The following PER2 variants were observed in gnomAD, a reference collection of about 807,000 sequenced individuals.
The protein encoded by PER2 is period circadian protein homolog 2.
A neutral mutation model predicts 121.0 loss-of-function variants in PER2; 66 were observed. The ratio of observed to expected loss-of-function variants is 0.55; its 90% CI spans 0.45 to 0.67. The LOEUF is 0.67. Ranked by LOEUF, PER2 falls within the 30% of genes least tolerant of loss-of-function variation. The probability of loss-of-function intolerance (pLI) is 0.00; values close to 1 mark genes in which losing one functional copy is unlikely to be tolerated. For missense variants in PER2, 1,521 were observed against 1,635.0 expected (o/e 0.93, Z 1.20); for synonymous variants, 684 against 659.9 (o/e 1.04, Z -0.56).
chr2:238,272,547 A>T (rs1295682876), intron 5 of PER2, among the ~76,000 whole-genome samples: 1 of 152,248 alleles, frequency 6.6e-6, no homozygotes, highest in African/African-American at 2.4e-5. Flanking sequence ...TGGTCCCAGC[A>T]CATGTGGGAT....
At chr2:238,254,432 T>C (rs1320212528) in intron 18 of PER2, 1 of 153,046 alleles carries the variant, frequency 6.5e-6, no homozygotes, top group East Asian at 1.9e-4. Context: ...ATCTGTCAGC[T>C]GTGCCAAGGC....
chr2:238,253,760 C>A lies in PER2; in HGVS notation c.2321-58G>T. On this transcript the variant is annotated intron_variant, in intron 18 of 22. Transcript: ENST00000254657. This position sits in a 1 kb window ranked among gnomAD's most constrained non-coding sequence, Gnocchi z 5.6. ...ATTTTAACTCCAAATTTGAAGACAC[C>A]TCTTCGTTCAACAGTCCTGGGTTTC... 2 of 1,340,110 alleles carry A rather than the reference C, an allele frequency of 1.5e-6. No individual in the cohort carries two copies. The highest frequency in any genetic ancestry group is 4.6e-4 in the Middle Eastern group (2 of 4,356). The allele number at this position is 1,340,110 out of a possible 1,614,324, so 83.0% of individuals were successfully genotyped here. A position where few individuals can be genotyped will look rare whatever the true frequency, so the allele number is the denominator to read the frequency against.
Position 238,268,795 on chromosome 2 carries a change from A to C in PER2, c.824+128T>G, listed in dbSNP as rs1696192664. The C allele has an allele frequency of 1.4e-6, 1 of 731,150 alleles. No homozygotes were observed. Among genetic ancestry groups the C allele is most frequent in the Non-Finnish European group, 2.5e-6 (1 of 404,978 alleles). 45.3% of individuals were successfully genotyped at this position (731,150 alleles called of 1,614,324 possible). On this transcript the variant is annotated intron_variant, in intron 7 of 22. Transcript: ENST00000254657. This position sits in a 1 kb window ranked among gnomAD's most constrained non-coding sequence, Gnocchi z 4.0. ...AATGTAACTGACTGTGTTTTCTGGTAGACTTCAGAAACAGGCGTGCTGAGT... is the reference window on the plus strand; with the variant it reads ...AATGTAACTGACTGTGTTTTCTGGTCGACTTCAGAAACAGGCGTGCTGAGT...
At position 238,255,967 on chromosome 2, in the gene PER2, G is replaced by A. The variant is rs2106370848; in HGVS notation, c.2066-56C>T. 6 of 1,596,120 alleles carry A rather than the reference G, an allele frequency of 3.8e-6. No individual in the cohort carries two copies. The South Asian group carries it at 6.6e-5, about 18-fold the overall frequency. ...ACACGTGCCCTGTTTATTATTTTAA[G>A]GCCACACTATATTCACGAACAAGAC... is the stretch of plus-strand genomic sequence containing the variant. On this transcript the variant is annotated intron_variant, in intron 17 of 22. Transcript: ENST00000254657.
intron 9 of PER2, among the ~76,000 whole-genome samples, chr2:238,264,755 TG>T (rs1696042971): frequency 6.6e-6 from 1 of 152,198 alleles, no homozygotes; most frequent in African/African-American, 2.4e-5. Context: ...TCTGAGTAGC[TG>T]GGACTACAGG....
intron 1 of PER2, among the ~76,000 whole-genome samples, chr2:238,280,318 C>T (rs916897451): frequency 6.6e-6 from 1 of 152,200 alleles, no homozygotes; most frequent in Non-Finnish European, 1.5e-5. Context: ...AGAATCCACC[C>T]ACATCAGTGT....
chr2:238,249,517 T>C (rs964080837), intron 21 of PER2, among the ~76,000 whole-genome samples: 1 of 152,108 alleles, frequency 6.6e-6, no homozygotes, highest in Non-Finnish European at 1.5e-5. Context: ...ATCTGGGAGA[T>C]TCTTGCCAGC....
chr2:238,259,092 G>A (rs573352285), intron 14 of PER2, among the ~76,000 whole-genome samples: 2 of 152,290 alleles, frequency 1.3e-5, no homozygotes, highest in Admixed American at 6.5e-5. Flanking sequence ...TTGCCCCAAC[G>A]ACATTCATCA....
chr2:238,277,250 T>C (rs1696483825), intron 2 of PER2, 57 bp from the exon 3 acceptor site: 1 of 1,114,878 alleles, frequency 9.0e-7, no homozygotes, highest in Non-Finnish European at 1.4e-6. Context: ...CAGACACATC[T>C]TCCCCTGCCA....
intron 6 of PER2, among the ~76,000 whole-genome samples, chr2:238,270,683 G>C (rs886149525): frequency 2.6e-5 from 4 of 152,232 alleles, no homozygotes; most frequent in Admixed American, 2.0e-4. Flanking sequence ...CCAGGGACTA[G>C]ACCAGACCCG....
In PER2 at chr2:238,246,258, A is replaced by C. The variant is rs1695444510; in HGVS notation, c.*117T>G. ...TATGTTGTTTTTTTTTCTAAAACAAAAAAAGCAACATGAGCATATGTGTCC... is the reference window on the plus strand; with the variant it reads ...TATGTTGTTTTTTTTTCTAAAACAACAAAAGCAACATGAGCATATGTGTCC... On this transcript the variant is annotated 3_prime_UTR_variant, in exon 23 of 23. Transcript: ENST00000254657. 1.4e-6 allele frequency: 1 copy of C among 700,076 alleles called. No homozygotes were observed. Among genetic ancestry groups the C allele is most frequent in the Non-Finnish European group, 2.2e-6 (1 of 458,560 alleles). The allele number at this position is 700,076 out of a possible 1,614,324, so 43.4% of individuals were successfully genotyped here.
chr2:238,278,007 C>T (rs754528069), intron 1 of PER2, 52 bp from the exon 2 acceptor site: 180 of 1,573,988 alleles, frequency 1.1e-4, no homozygotes, highest in Non-Finnish European at 1.4e-4. Context: ...GCACAAGGGG[C>T]GCTGCAGCCA....
Position 238,245,050 on chromosome 2 carries a change from A to G in PER2, c.*1325T>C. 1 of 144,078 alleles carries G rather than the reference A, an allele frequency of 6.9e-6. No homozygotes were observed. Among genetic ancestry groups the G allele is most frequent in the South Asian group, 2.5e-4 (1 of 4,068 alleles). 8.9% of individuals were successfully genotyped at this position (144,078 alleles called of 1,614,324 possible). ...CAAAAAGAAACTCCATCTAAAAAAA[A>G]AAAAAAAAAAAAAAAAAAAAGAAAA... On this transcript the variant is annotated 3_prime_UTR_variant, in exon 23 of 23. Transcript: ENST00000254657.
intron 22 of PER2, 54 bp from the exon 23 acceptor site, chr2:238,246,578 C>G: frequency 7.4e-7 from 1 of 1,356,276 alleles, no homozygotes; most frequent in Middle Eastern, 2.2e-4. Flanking sequence ...TGAGTTGTTA[C>G]AAAAGTCATT....
In PER2 at chr2:238,268,639, G is replaced by A. The variant is rs1696187059; in HGVS notation, c.824+284C>T. Reference sequence around the variant, plus strand: ...AACGCACAGACAACCAAAAGACGCAGTGCTTTCAGAAACTCTGTCGACCCT... The same window carrying A: ...AACGCACAGACAACCAAAAGACGCAATGCTTTCAGAAACTCTGTCGACCCT... On this transcript the variant is annotated intron_variant, in intron 7 of 22. Coordinates refer to ENST00000254657, the MANE Select transcript of PER2 (RefSeq NM_022817.3). The surrounding 1 kb of genome is among the most constrained non-coding windows in gnomAD (Gnocchi z 4.0). 6.6e-6 allele frequency among the ~76,000 whole-genome samples: 1 copy of A among 152,214 alleles called. No individual in the cohort carries two copies. Among genetic ancestry groups the A allele is most frequent in the African/African-American group, 2.4e-5 (1 of 41,452 alleles).
Position 238,250,601 on chromosome 2 carries a change from C to T in PER2, c.3417G>A (p.Leu1139=). 1 of 1,614,018 alleles carries T rather than the reference C, an allele frequency of 6.2e-7. No individual in the cohort carries two copies. The highest frequency in any genetic ancestry group is 1.7e-5 in the Admixed American group (1 of 60,008). Residue 1139 remains leucine (L), a synonymous_variant, in exon 21 of 23, where the codon CTG becomes CTA. Transcript: ENST00000254657. ...KCVLQDPIWL[L]MADADSSVMM... ...TGACGCTGCTGTCCGCATCTGCCATCAGCAGCCAGATGGGATCCTGCAGGA... is the reference window on the plus strand; with the variant it reads ...TGACGCTGCTGTCCGCATCTGCCATTAGCAGCCAGATGGGATCCTGCAGGA...
At chr2:238,260,121 G>T in intron 13 of PER2, 68 bp from the exon 14 acceptor site, 1 of 715,750 alleles carries the variant, frequency 1.4e-6, no homozygotes, top group Non-Finnish European at 2.5e-6. Context: ...CCGGCAAAGT[G>T]AGAACAGAGG....
In PER2 at chr2:238,245,922, A is replaced by G. The variant is rs1174000787; in HGVS notation, c.*453T>C. The G allele has an allele frequency of 2.5e-5, 8 of 315,032 alleles. No homozygotes were observed. The East Asian group carries it at 3.9e-4, about 15-fold the overall frequency. 19.5% of individuals were successfully genotyped at this position (315,032 alleles called of 1,614,324 possible). A position where few individuals can be genotyped will look rare whatever the true frequency, so the allele number is the denominator to read the frequency against. ...AAAAACACTCTACCTTGACTAAATG[A>G]TAATTCAGATAAAAAGCAGTCCCCA... On this transcript the variant is annotated 3_prime_UTR_variant, in exon 23 of 23. Transcript: ENST00000254657.
chr2:238,276,662 C>T (rs1000821447), intron 3 of PER2, among the ~76,000 whole-genome samples: 1 of 152,082 alleles, frequency 6.6e-6, no homozygotes, highest in Non-Finnish European at 1.5e-5. Flanking sequence ...GACAGGACAG[C>T]GGGGCACTGG....
Sources: allele counts gnomAD v4.1 joint callset (sites outside exome capture counted in the v4.1 genomes callset), GRCh38; gene constraint gnomAD v4.1.1; non-coding constraint Gnocchi (gnomAD v3.1); transcripts MANE v1.5; gene names NCBI Gene and HGNC (gene_info 2026-07-23, HGNC 2026-07-21).